The following SNX16 variants were observed in gnomAD, a reference collection of about 807,000 sequenced individuals.
The protein encoded by SNX16 is sorting nexin-16.
Under a neutral mutation model 36.7 loss-of-function variants are expected in SNX16, and 35 were observed. The ratio of observed to expected loss-of-function variants is 0.95; its 90% CI spans 0.73 to 1.27. The LOEUF is 1.27. Among genes scored for constraint, SNX16 ranks in the 50% most tolerant of loss-of-function variants. SNX16 has a pLI of 0.00. For synonymous variants in SNX16, 134 were observed against 132.0 expected (o/e 1.02, Z -0.10); for missense variants, 367 against 393.6 (o/e 0.93, Z 0.57).
rs188410493 is a variant in SNX16 at position 81,819,871 on chromosome 8, T to C, written c.611+3921A>G. Among the ~76,000 whole-genome samples, 259 of 152,214 alleles carry C rather than the reference T, an allele frequency of 1.7e-3. 1 individual carries two copies. In the Middle Eastern group the frequency reaches 0.024, roughly 14 times the overall value. On this transcript the variant is annotated intron_variant, in intron 4 of 7. Transcript: ENST00000345957. ...TTCGTATTTTCTTCCATTTCTGCTTTGTTAAGAGTTGGAGAATATGTAGCA... is the reference window on the plus strand; with the variant it reads ...TTCGTATTTTCTTCCATTTCTGCTTCGTTAAGAGTTGGAGAATATGTAGCA...
chr8:81,830,286 A>T (rs1811193361), intron 2 of SNX16, among the ~76,000 whole-genome samples: 1 of 152,056 alleles, frequency 6.6e-6, no homozygotes, highest in South Asian at 2.1e-4. Flanking sequence ...AAGAAATCAC[A>T]GGGCCGGGTG....
Position 81,803,187 on chromosome 8 carries a change from C to T in SNX16, c.723G>A (p.Gln241=). The change falls in exon 6 of 8, where the codon CAG becomes CAA. Residue 241 remains glutamine (Q), a synonymous_variant. Coordinates refer to ENST00000345957, the MANE Select transcript of SNX16 (RefSeq NM_152836.3). ...CCTTTTGTTTTTCAAGTAGTTCTTT[C>T]TGTAAGCGGTAGTTTGTCTCTTCTA... ...ETLEETNYRL[Q]KELLEKQKEM... The T allele has an allele frequency of 6.2e-7, 1 of 1,611,424 alleles. No homozygotes were observed. Among genetic ancestry groups the T allele is most frequent in the Non-Finnish European group, 8.5e-7 (1 of 1,178,690 alleles).
At chr8:81,820,833 T>C (rs536258090) in intron 4 of SNX16, among the ~76,000 whole-genome samples, 1 of 151,798 alleles carries the variant, frequency 6.6e-6, no homozygotes, top group South Asian at 2.1e-4. Flanking sequence ...AACCAGTGAG[T>C]ATATATCCCC....
chr8:81,825,282 C>T (rs1397785273), intron 3 of SNX16, among the ~76,000 whole-genome samples: 1 of 152,172 alleles, frequency 6.6e-6, no homozygotes, highest in African/African-American at 2.4e-5. Context: ...GACAAACTGA[C>T]ACACATTGTC....
rs202038375 is a variant in SNX16, at chr8:81,801,588, T to C, written c.944A>G (p.Asp315Gly). The change falls in exon 8 of 8, where the codon GAT becomes GGT. Residue 315 changes from aspartate (D) to glycine (G), a missense_variant. Coordinates refer to ENST00000345957, the MANE Select transcript of SNX16 (RefSeq NM_152836.3). The part of the protein sequence containing the change: ...QDVLDEESRA[D>G]NKPCLSFSEP... ...ACTAAAACTTAAGCATGGTTTATTA[T>C]CAGCTCTGCAAAAAAAAAAAAAAAA... 3.4e-6 allele frequency: 5 copies of C among 1,452,728 alleles called. No individual in the cohort carries two copies. In the Admixed American group the frequency reaches 1.0e-4, roughly 29 times the overall value. The allele number at this position is 1,452,728 out of a possible 1,614,324, so 90.0% of individuals were successfully genotyped here.
At chr8:81,805,845 T>TG (rs1809912050) in intron 5 of SNX16, among the ~76,000 whole-genome samples, 1 of 151,894 alleles carries the variant, frequency 6.6e-6, no homozygotes, top group Non-Finnish European at 1.5e-5. Flanking sequence ...GGCGTGAACC[T>TG]GGGAGGCGGA....
At chr8:81,832,391 C>G (rs1811309509) in intron 2 of SNX16, among the ~76,000 whole-genome samples, 1 of 151,986 alleles carries the variant, frequency 6.6e-6, no homozygotes, top group Admixed American at 6.5e-5. Flanking sequence ...AAGATAGCAA[C>G]AATAGACACT....
chr8:81,818,850 G>T (rs565623211), intron 4 of SNX16, among the ~76,000 whole-genome samples: 1 of 152,104 alleles, frequency 6.6e-6, no homozygotes, highest in South Asian at 2.1e-4. Flanking sequence ...CATTACAGTT[G>T]GAGAAGCACT....
At chr8:81,837,188 A>T (rs2130768619) in intron 2 of SNX16, among the ~76,000 whole-genome samples, 1 of 152,312 alleles carries the variant, frequency 6.6e-6, no homozygotes, top group East Asian at 1.9e-4. Context: ...TTATTTACTT[A>T]CTTATCATGC....
chr8:81,813,143 G>A (rs1292751154), intron 5 of SNX16, among the ~76,000 whole-genome samples: 1 of 152,044 alleles, frequency 6.6e-6, no homozygotes, highest in Admixed American at 6.6e-5. Flanking sequence ...TATGTAGAAG[G>A]GATGGATCTT....
chr8:81,838,023 G>A (rs1017441208), intron 2 of SNX16, among the ~76,000 whole-genome samples: 2 of 152,246 alleles, frequency 1.3e-5, no homozygotes, highest in Admixed American at 6.5e-5. Flanking sequence ...TACCAAAAAA[G>A]TAAACCTTTT....
At chr8:81,802,356 T>C in intron 7 of SNX16, 24 bp downstream of exon 7, 2 of 1,567,744 alleles carry the variant, frequency 1.3e-6, no homozygotes, top group Non-Finnish European at 1.7e-6. Flanking sequence ...AGAATTAAGC[T>C]ATCATAAATG....
At position 81,803,232 on chromosome 8, in the gene SNX16, A is replaced by T. The variant is rs1585971719; in HGVS notation, c.682-4T>A. ...CTTCTAAAGTTTCACAGAATGCCTT[A>T]AAAAAAACAACAAACAAAACTAAAC... is the stretch of plus-strand genomic sequence containing the variant. On this transcript the variant is annotated splice_polypyrimidine_tract_variant and splice_region_variant and intron_variant, in intron 5 of 7. Coordinates refer to ENST00000345957, the MANE Select transcript of SNX16 (RefSeq NM_152836.3). 6.3e-7 allele frequency: 1 copy of T among 1,589,442 alleles called. No homozygotes were observed. Among genetic ancestry groups the T allele is most frequent in the Non-Finnish European group, 8.5e-7 (1 of 1,172,178 alleles).
chr8:81,809,586 C>T (rs1810130115), intron 5 of SNX16, among the ~76,000 whole-genome samples: 2 of 152,072 alleles, frequency 1.3e-5, no homozygotes, highest in Non-Finnish European at 2.9e-5. Flanking sequence ...ATGGAAGATG[C>T]CAGACCTGGC....
intron 5 of SNX16, chr8:81,808,099 G>T (rs1229629683): frequency 3.3e-6 from 4 of 1,197,442 alleles, no homozygotes; most frequent in Non-Finnish European, 4.9e-6. Flanking sequence ...GATATTTATT[G>T]GTGGCATTAA....
chr8:81,829,999 AAAG>A (rs1468789602), intron 2 of SNX16, among the ~76,000 whole-genome samples: 4 of 152,214 alleles, frequency 2.6e-5, no homozygotes, highest in African/African-American at 7.2e-5. Flanking sequence ...CCAAATAGGA[AAAG>A]AAGAAGTCAA....
chr8:81,802,059 T>C (rs1261146115), intron 7 of SNX16, among the ~76,000 whole-genome samples: 2 of 151,622 alleles, frequency 1.3e-5, no homozygotes, highest in African/African-American at 4.8e-5. Context: ...AGGGTGATAT[T>C]GAGGGAGATT....
At chr8:81,822,209 G>A (rs1419058362) in intron 4 of SNX16, among the ~76,000 whole-genome samples, 3 of 152,062 alleles carry the variant, frequency 2.0e-5, no homozygotes, top group African/African-American at 7.2e-5. Flanking sequence ...GTTACCTAAC[G>A]AAGTGCAGTT....
In SNX16 at chr8:81,811,255, AAT is replaced by A. The variant is rs1274977093; in HGVS notation, c.681+4068_681+4069del. On this transcript the variant is annotated intron_variant, in intron 5 of 7. Coordinates refer to ENST00000345957, the MANE Select transcript of SNX16 (RefSeq NM_152836.3). ...AGAAGCAATGATCTAGCCAGGATTT[AAT>A]AGGGAGTTCTGGGAAACGATATATC... is the stretch of plus-strand genomic sequence containing the variant. Among the ~76,000 whole-genome samples, 5 of 152,212 alleles carry A rather than the reference AAT, an allele frequency of 3.3e-5. No individual in the cohort carries two copies. In the East Asian group the frequency reaches 9.6e-4, roughly 29 times the overall value.
Sources: allele counts gnomAD v4.1 joint callset (sites outside exome capture counted in the v4.1 genomes callset), GRCh38; gene constraint gnomAD v4.1.1; transcripts MANE v1.5; gene names NCBI Gene and HGNC (gene_info 2026-07-23, HGNC 2026-07-21).